PSMA8: variants seen among roughly 807,000 people sequenced by gnomAD.
The protein encoded by PSMA8 is proteasome 20S subunit alpha 8, also known as proteasome subunit alpha-type 8.
PSMA8 carries 18 observed loss-of-function variants against 32.4 expected under a neutral mutation model. That is an observed-to-expected ratio of 0.56 (90% CI 0.38 to 0.82). PSMA8 has a LOEUF of 0.82. Among genes scored for constraint, PSMA8 ranks in the 40% least tolerant of loss-of-function variants. The pLI is 0.00. For missense variants in PSMA8, 298 were observed against 300.7 expected, an observed-to-expected ratio of 0.99 and a Z score of 0.07; for synonymous variants, 104 against 98.1, an observed-to-expected ratio of 1.06 and a Z score of -0.36.
rs2054886052 is a variant in PSMA8 at position 26,133,882 on chromosome 18, A to G, written c.-84A>G. ...GCGTGTGGAAGCGCTTCCGGGCGGT[A>G]GCACGCTGTGTTGGCGGCGGCTCCC... On this transcript the variant is annotated 5_prime_UTR_variant, in exon 1 of 7. Coordinates refer to ENST00000415576, the MANE Select transcript of PSMA8 (RefSeq NM_001025096.2). 3 of 1,199,102 alleles carry G rather than the reference A, an allele frequency of 2.5e-6. No individual in the cohort carries two copies. Among genetic ancestry groups the G allele is most frequent in the Non-Finnish European group, 3.7e-6 (3 of 814,242 alleles). The allele number at this position is 1,199,102 out of a possible 1,614,324, so 74.3% of individuals were successfully genotyped here.
intron 4 of PSMA8, among the ~76,000 whole-genome samples, chr18:26,167,203 T>G (rs939937073): frequency 6.6e-6 from 1 of 152,122 alleles, no homozygotes; most frequent in Non-Finnish European, 1.5e-5. Flanking sequence ...ACCTGTTGAG[T>G]GGAATAGCCA....
At chr18:26,150,405 A>G (rs551213660) in intron 2 of PSMA8, among the ~76,000 whole-genome samples, 5 of 151,628 alleles carry the variant, frequency 3.3e-5, no homozygotes, top group African/African-American at 1.2e-4. Context: ...TGGCACGATC[A>G]TAGCTCACTG....
Position 26,144,936 on chromosome 18 carries a change from A to G in PSMA8, c.229+251A>G, listed in dbSNP as rs917312295. Reference sequence around the variant, plus strand: ...TTTCTTTTCAAAACTTTTTATTTTTAAATAATTACAGATTTAGAAGAAGCT... The same window carrying G: ...TTTCTTTTCAAAACTTTTTATTTTTGAATAATTACAGATTTAGAAGAAGCT... On this transcript the variant is annotated intron_variant, in intron 2 of 6. Coordinates refer to ENST00000415576, the MANE Select transcript of PSMA8 (RefSeq NM_001025096.2). Among the ~76,000 whole-genome samples the G allele has an allele frequency of 2.6e-5, 4 of 151,824 alleles. No individual in the cohort carries two copies. In the East Asian group the frequency reaches 7.8e-4, roughly 29 times the overall value.
At chr18:26,147,431 A>C (rs777970879) in intron 2 of PSMA8, among the ~76,000 whole-genome samples, 7 of 152,186 alleles carry the variant, frequency 4.6e-5, no homozygotes, top group Non-Finnish European at 8.8e-5. Flanking sequence ...ACAACATATC[A>C]AAACTTGGGG....
rs1040077194 is a variant in PSMA8, at chr18:26,192,779, A to G, written c.*368A>G. The G allele has an allele frequency of 6.5e-6, 1 of 152,976 alleles. No homozygotes were observed. Among genetic ancestry groups the G allele is most frequent in the African/African-American group, 2.4e-5 (1 of 41,478 alleles). 9.5% of individuals were successfully genotyped at this position (152,976 alleles called of 1,614,324 possible). On this transcript the variant is annotated 3_prime_UTR_variant, in exon 7 of 7. Coordinates refer to ENST00000415576, the MANE Select transcript of PSMA8 (RefSeq NM_001025096.2). ...GATGTTTGAATATTGACTGTCAGTT[A>G]AGGACATAGCTATTCCAAATAAACT...
chr18:26,179,196 T>C (rs1177735585), intron 6 of PSMA8, 66 bp downstream of exon 6: 32 of 1,309,146 alleles, frequency 2.4e-5, no homozygotes, highest in Non-Finnish European at 3.3e-5. Flanking sequence ...AGTTAAAAAG[T>C]TGTTGGCCTC....
chr18:26,190,157 G>A (rs1208001801), intron 6 of PSMA8, among the ~76,000 whole-genome samples: 1 of 152,128 alleles, frequency 6.6e-6, no homozygotes, highest in Non-Finnish European at 1.5e-5. Context: ...AGGGTAGTGG[G>A]GGGCAGGGGC....
intron 5 of PSMA8, 34 bp downstream of exon 5, chr18:26,178,983 A>C (rs751879934): frequency 2.5e-6 from 4 of 1,605,288 alleles, no homozygotes; most frequent in African/African-American, 1.3e-5. Context: ...TCAGGAAATC[A>C]TGAATTTTTT....
intron 4 of PSMA8, among the ~76,000 whole-genome samples, chr18:26,164,042 T>A (rs2055159150): frequency 1.3e-5 from 2 of 152,198 alleles, no homozygotes; most frequent in African/African-American, 4.8e-5. Context: ...CTCAGTTCCA[T>A]CAAGTAAAAA....
In PSMA8 at chr18:26,173,808, G is replaced by A. The variant is rs529187822; in HGVS notation, c.478-5022G>A. 1.1e-4 allele frequency among the ~76,000 whole-genome samples: 16 copies of A among 151,954 alleles called. No individual in the cohort carries two copies. The East Asian group carries it at 2.3e-3, about 22-fold the overall frequency. On this transcript the variant is annotated intron_variant, in intron 4 of 6. Coordinates refer to ENST00000415576, the MANE Select transcript of PSMA8 (RefSeq NM_001025096.2). ...TGACCTCAGGTGATCCACCTGCCTC[G>A]GCCTCCCAAAGTGCTGGGATTACAA...
chr18:26,171,049 G>T (rs2055216507), intron 4 of PSMA8: 2 of 1,558,368 alleles, frequency 1.3e-6, no homozygotes, highest in Non-Finnish European at 8.6e-7. Context: ...GGTTCCTTGA[G>T]TTCTCTGCTG....
At chr18:26,155,000 G>A (rs1304396778) in intron 3 of PSMA8, among the ~76,000 whole-genome samples, 2 of 152,090 alleles carry the variant, frequency 1.3e-5, no homozygotes, top group South Asian at 2.1e-4. Context: ...GGCCAAGGTG[G>A]GCAGATCACT....
intron 1 of PSMA8, chr18:26,140,191 C>T (rs1447199263): frequency 3.6e-5 from 25 of 701,204 alleles, no homozygotes; most frequent in Non-Finnish European, 6.5e-5. Flanking sequence ...GGGCCTGCCA[C>T]TAGAGTCCTT....
intron 6 of PSMA8, among the ~76,000 whole-genome samples, chr18:26,186,187 T>C (rs997516599): frequency 5.0e-5 from 7 of 139,018 alleles, no homozygotes; most frequent in Non-Finnish European, 9.0e-5. Flanking sequence ...AGGCAGAGGT[T>C]GCAGTGAGCT....
chr18:26,161,652 G>A (rs541463878), intron 4 of PSMA8, among the ~76,000 whole-genome samples: 2 of 152,298 alleles, frequency 1.3e-5, no homozygotes, highest in South Asian at 4.1e-4. Context: ...GCAGGAGAAT[G>A]GCTTGAGCCC....
chr18:26,166,782 A>G (rs1389595590), intron 4 of PSMA8, among the ~76,000 whole-genome samples: 1 of 152,208 alleles, frequency 6.6e-6, no homozygotes, highest in African/African-American at 2.4e-5. Context: ...TACTTTAAGG[A>G]AACAACTGAC....
intron 6 of PSMA8, among the ~76,000 whole-genome samples, chr18:26,179,474 G>A (rs2055292299): frequency 6.6e-6 from 1 of 152,068 alleles, no homozygotes; most frequent in Admixed American, 6.6e-5. Flanking sequence ...ACATTTGAAA[G>A]TGCCTTGAGC....
Position 26,186,010 on chromosome 18 carries a change from G to C in PSMA8, c.661-6309G>C, listed in dbSNP as rs955534076. Among the ~76,000 whole-genome samples the C allele has an allele frequency of 6.0e-5, 9 of 149,896 alleles. 1 individual carries two copies. The highest frequency in any genetic ancestry group is 1.0e-4 in the Non-Finnish European group (7 of 67,566). ...TAATCCCAGCCCTTTGGGAGACCGA[G>C]TGGGTGGATCACGAGGTCAGGAGTT... On this transcript the variant is annotated intron_variant, in intron 6 of 6. Transcript: ENST00000415576.
At chr18:26,154,805 C>T (rs1018821582) in intron 3 of PSMA8, among the ~76,000 whole-genome samples, 5 of 151,960 alleles carry the variant, frequency 3.3e-5, no homozygotes, top group Admixed American at 6.6e-5. Flanking sequence ...TCAGTAGAGA[C>T]GGAGTTTCAC....
Sources: allele counts gnomAD v4.1 joint callset (sites outside exome capture counted in the v4.1 genomes callset), GRCh38; gene constraint gnomAD v4.1.1; transcripts MANE v1.5; gene names NCBI Gene and HGNC (gene_info 2026-07-23, HGNC 2026-07-21).